CNRIP1: variants seen among roughly 807,000 people sequenced by gnomAD.
The protein encoded by CNRIP1 is cannabinoid receptor interacting protein 1.
Under a neutral mutation model 15.2 loss-of-function variants are expected in CNRIP1, and 10 were observed. The ratio of observed to expected loss-of-function variants is 0.66; its 90% CI spans 0.41 to 1.12. The LOEUF is 1.12. Among genes scored for constraint, CNRIP1 ranks in the 50% most tolerant of loss-of-function variants. The pLI, the probability that CNRIP1 is intolerant of heterozygous loss-of-function variation, is 0.00. For synonymous variants in CNRIP1, 91 were observed against 83.2 expected, an observed-to-expected ratio of 1.09 and a Z score of -0.51; for missense variants, 211 against 214.7, an observed-to-expected ratio of 0.98 and a Z score of 0.11.
At chr2:68,301,076 A>G (rs1671588079) in intron 2 of CNRIP1, among the ~76,000 whole-genome samples, 1 of 152,242 alleles carries the variant, frequency 6.6e-6, no homozygotes, top group South Asian at 2.1e-4. Context: ...CTAATTCCTG[A>G]CAAAAATATT....
At chr2:68,300,340 C>T (rs981076808) in intron 2 of CNRIP1, among the ~76,000 whole-genome samples, 15 of 152,098 alleles carry the variant, frequency 9.9e-5, no homozygotes, top group African/African-American at 3.1e-4. Context: ...ATCAAGAGGC[C>T]GGGTGCAGTG....
downstream of CNRIP1, among the ~76,000 whole-genome samples, chr2:68,290,478 C>A (rs1442987494): frequency 6.6e-6 from 1 of 152,024 alleles, no homozygotes; most frequent in Non-Finnish European, 1.5e-5. Context: ...TATTTATGTA[C>A]CTACAGGATA....
intron 2 of CNRIP1, among the ~76,000 whole-genome samples, chr2:68,305,472 G>A (rs1202189763): frequency 6.6e-6 from 1 of 151,852 alleles, no homozygotes; most frequent in Admixed American, 6.6e-5. Context: ...CAGTGTGGGT[G>A]CCTAAGTCAA....
At chr2:68,285,788 A>ACAT (rs1671017729) in intron 2 of CNRIP1, among the ~76,000 whole-genome samples, 1 of 152,282 alleles carries the variant, frequency 6.6e-6, no homozygotes, top group East Asian at 1.9e-4. Context: ...TATGGGTTTT[A>ACAT]ATACATGTAT....
intron 1 of CNRIP1, 99 bp from the exon 2 acceptor site, chr2:68,317,406 A>G (rs943124394): frequency 7.8e-7 from 1 of 1,274,218 alleles, no homozygotes; most frequent in African/African-American, 1.5e-5. Flanking sequence ...ACAGGGTTTC[A>G]CTAAGGGGGG....
chr2:68,284,824 A>G lies in CNRIP1; in HGVS notation c.331-340T>C, dbSNP rs551038454. On this transcript the variant is annotated intron_variant, in intron 2 of 2. Coordinates refer to the CNRIP1 transcript ENST00000409559. ...AGACTCTGTCTCAAAAAAAAAAAAA[A>G]AAAAGAAAAGAAAACCACAGCGAAG... Among the ~76,000 whole-genome samples, 131 of 151,626 alleles carry G rather than the reference A, an allele frequency of 8.6e-4. 1 individual carries two copies. Among genetic ancestry groups the G allele is most frequent in the African/African-American group, 2.3e-3 (95 of 41,238 alleles).
Position 68,293,993 on chromosome 2 carries a change from G to T in CNRIP1, c.364C>A (p.Gln122Lys), listed in dbSNP as rs1229403295. ...TTGTGGTAATTGTAGAACTTGACTT[G>T]CCACACTGTCTCGAAGGTCCCAATG... ...TDIGTFETVW[Q>K]VKFYNYHKRD... is the part of the protein sequence containing the mutation. Residue 122 changes from glutamine (Q) to lysine (K), a missense_variant, in exon 3 of 3, where the codon CAA becomes AAA. Transcript: ENST00000263655. 1 of 1,613,878 alleles carries T rather than the reference G, an allele frequency of 6.2e-7. No individual in the cohort carries two copies. Among genetic ancestry groups the T allele is most frequent in the Non-Finnish European group, 8.5e-7 (1 of 1,179,948 alleles).
chr2:68,309,189 G>A (rs989940300), intron 2 of CNRIP1, among the ~76,000 whole-genome samples: 1 of 151,996 alleles, frequency 6.6e-6, no homozygotes, highest in Non-Finnish European at 1.5e-5. Context: ...CTTGTTTAAG[G>A]GTGTTGTTTT....
chr2:68,292,054 A>G (rs1312971833), downstream of CNRIP1, among the ~76,000 whole-genome samples: 1 of 152,142 alleles, frequency 6.6e-6, no homozygotes, highest in African/African-American at 2.4e-5. Context: ...TTTATTTTAA[A>G]TCTTTTATTC....
intron 2 of CNRIP1, chr2:68,316,956 T>C (rs1672293263): frequency 1.5e-6 from 1 of 681,652 alleles, no homozygotes; most frequent in Admixed American, 2.3e-5. Context: ...TTTCAGCATC[T>C]ACAGGGTCAG....
Position 68,293,559 on chromosome 2 carries a change from G to A in CNRIP1, c.*303C>T. 9.3e-7 allele frequency: 1 copy of A among 1,073,228 alleles called. No homozygotes were observed. The allele number at this position is 1,073,228 out of a possible 1,614,324, so 66.5% of individuals were successfully genotyped here. On this transcript the variant is annotated 3_prime_UTR_variant, in exon 3 of 3. Transcript: ENST00000263655. ...AGTGGAATGGTCAAGAGCAGGACAA[G>A]CCTGCCAGGGCCACTGAACTCCAGT... is the stretch of plus-strand genomic sequence containing the variant.
chr2:68,289,248 T>C (rs537265424), downstream of CNRIP1, among the ~76,000 whole-genome samples: 608 of 152,318 alleles, frequency 4.0e-3, 3 homozygotes, highest in African/African-American at 0.013. Flanking sequence ...AAACTTAAGA[T>C]GGCTGTTTGT....
chr2:68,312,044 T>G (rs945023264), intron 2 of CNRIP1, among the ~76,000 whole-genome samples: 6 of 152,166 alleles, frequency 3.9e-5, no homozygotes, highest in Non-Finnish European at 7.4e-5. Flanking sequence ...ATTGGTGAAT[T>G]CTGACATTAA....
chr2:68,288,953 T>A (rs1288379413), downstream of CNRIP1, among the ~76,000 whole-genome samples: 1 of 152,242 alleles, frequency 6.6e-6, no homozygotes, highest in Non-Finnish European at 1.5e-5. Flanking sequence ...TGAATGTTAT[T>A]ATCACCATTT....
intron 2 of CNRIP1, among the ~76,000 whole-genome samples, chr2:68,287,788 G>T (rs1671066728): frequency 6.6e-6 from 1 of 152,222 alleles, no homozygotes; most frequent in Non-Finnish European, 1.5e-5. Context: ...TGCCTCGACG[G>T]GGGAGGGCTG....
chr2:68,287,141 A>C (rs1671051197), intron 2 of CNRIP1, among the ~76,000 whole-genome samples: 1 of 152,228 alleles, frequency 6.6e-6, no homozygotes, highest in South Asian at 2.1e-4. Flanking sequence ...TTTCTCTGGC[A>C]GGAAATGATT....
downstream of CNRIP1, among the ~76,000 whole-genome samples, chr2:68,289,524 A>G (rs1671111131): frequency 1.3e-5 from 2 of 151,768 alleles, no homozygotes. Context: ...TGTGTCACCC[A>G]GGCTGGAGTG....
Position 68,317,232 on chromosome 2 carries a change from A to G in CNRIP1, c.255T>C (p.Tyr85=). The stretch of plus-strand genomic sequence containing the variant: ...CACCTTCTGTGTCATATGTACCCGT[A>G]TAAACAACTCTGTCCCCATCAGGCT... The part of the protein sequence containing the change: ...SKEPDGDRVV[Y]TGTYDTEGVT... Residue 85 remains tyrosine (Y), a synonymous_variant, in exon 2 of 3, where the codon TAT becomes TAC. Transcript: ENST00000263655. 1 of 1,614,226 alleles carries G rather than the reference A, an allele frequency of 6.2e-7. No homozygotes were observed. The highest frequency in any genetic ancestry group is 1.6e-4 in the Middle Eastern group (1 of 6,062).
intron 2 of CNRIP1, among the ~76,000 whole-genome samples, chr2:68,315,502 A>G (rs1672238485): frequency 6.6e-6 from 1 of 152,318 alleles, no homozygotes; most frequent in Admixed American, 6.5e-5. Context: ...GGTTTTGTTT[A>G]TAATACCGAA....
Sources: allele counts gnomAD v4.1 joint callset (sites outside exome capture counted in the v4.1 genomes callset), GRCh38; gene constraint gnomAD v4.1.1; transcripts MANE v1.5; gene names NCBI Gene and HGNC (gene_info 2026-07-23, HGNC 2026-07-21).